Variants in DENND2A observed in about 807,000 individuals in gnomAD.
DENND2A encodes the protein DENN domain containing 2A, also known as DENN domain-containing protein 2A.
Under a neutral mutation model 105.3 loss-of-function variants are expected in DENND2A, and 53 were observed. The ratio of observed to expected loss-of-function variants is 0.50; its 90% confidence interval spans 0.40 to 0.63. The LOEUF is 0.63. DENND2A is among the 30% of genes least tolerant of loss of function. DENND2A has a pLI of 0.00. For missense variants in DENND2A, 1,138 were observed against 1,279.6 expected (o/e 0.89, Z 1.69); for synonymous variants, 522 against 508.4 (o/e 1.03, Z -0.36).
At chr7:140,544,518 G>T in intron 14 of DENND2A, 100 bp downstream of exon 14, 1 of 1,489,590 alleles carries the variant, frequency 6.7e-7, no homozygotes, top group Non-Finnish European at 9.3e-7. Context: ...TCTCAGAAGG[G>T]CTTACTCTTC....
chr7:140,594,485 A>G (rs1223869954), intron 3 of DENND2A, among the ~76,000 whole-genome samples: 1 of 151,928 alleles, frequency 6.6e-6, no homozygotes, highest in East Asian at 1.9e-4. Context: ...CTTCCTCTTG[A>G]TCCCATCTGT....
intron 5 of DENND2A, among the ~76,000 whole-genome samples, chr7:140,583,409 G>A (rs925450298): frequency 2.7e-5 from 4 of 150,088 alleles, no homozygotes; most frequent in Non-Finnish European, 4.4e-5. Flanking sequence ...GGATTGGGAT[G>A]GCTGGAGACG....
Position 140,583,740 on chromosome 7 carries a change from A to AC in DENND2A, c.1245+1848_1245+1849insG, listed in dbSNP as rs1298903320. ...GTCAGGAGATCGAGACCATCCTGTG[A>AC]ATGGTGAAACCCCGTCTCTACTAAA... On this transcript the variant is annotated intron_variant, in intron 5 of 19. Transcript: ENST00000496613. Among the ~76,000 whole-genome samples the AC allele has an allele frequency of 2.7e-3, 395 of 146,672 alleles. 4 individuals are homozygous for AC. The highest frequency in any genetic ancestry group is 3.0e-3 in the Non-Finnish European group (206 of 67,576).
intron 2 of DENND2A, among the ~76,000 whole-genome samples, chr7:140,603,447 CAA>C (rs1217109923): frequency 6.6e-6 from 1 of 152,312 alleles, no homozygotes; most frequent in Middle Eastern, 3.4e-3. Context: ...CTGAACTTGA[CAA>C]ATTGTCTGAT....
chr7:140,551,501 G>T (rs1003571749), intron 12 of DENND2A, among the ~76,000 whole-genome samples: 3 of 152,026 alleles, frequency 2.0e-5, no homozygotes, highest in Admixed American at 6.6e-5. Context: ...CTGTCTAGGA[G>T]CATGGGAGAC....
intron 3 of DENND2A, among the ~76,000 whole-genome samples, chr7:140,589,972 A>C (rs775795623): frequency 9.9e-5 from 15 of 152,214 alleles, no homozygotes; most frequent in Non-Finnish European, 2.2e-4. Context: ...TCGAAATGAT[A>C]AAGTACCTAT....
At chr7:140,595,063 G>A (rs1459145042) in intron 3 of DENND2A, among the ~76,000 whole-genome samples, 2 of 151,650 alleles carry the variant, frequency 1.3e-5, no homozygotes, top group African/African-American at 4.9e-5. Context: ...CTAGAATGCA[G>A]TGGCAGGATT....
chr7:140,519,780 A>G, intron 18 of DENND2A, 62 bp from the exon 19 acceptor site: 1 of 1,425,644 alleles, frequency 7.0e-7, no homozygotes. Flanking sequence ...AAATGTGTCC[A>G]TTTCCTCCCT....
chr7:140,554,054 C>A (rs1048988897), intron 12 of DENND2A, among the ~76,000 whole-genome samples: 1 of 151,572 alleles, frequency 6.6e-6, no homozygotes, highest in Non-Finnish European at 1.5e-5. Flanking sequence ...GGTGAAACCC[C>A]GTCTCTACTA....
At chr7:140,633,068 G>A (rs972411417) in intron 1 of DENND2A, among the ~76,000 whole-genome samples, 1 of 135,412 alleles carries the variant, frequency 7.4e-6, no homozygotes, top group African/African-American at 2.8e-5. Context: ...TTGCGCTGCC[G>A]CCCAGGCTGG....
intron 14 of DENND2A, among the ~76,000 whole-genome samples, chr7:140,532,200 C>T (rs1796296218): frequency 6.6e-6 from 1 of 152,122 alleles, no homozygotes; most frequent in Non-Finnish European, 1.5e-5. Flanking sequence ...ATCCGAGAGG[C>T]AGAAGTTGTT....
At chr7:140,626,810 A>T (rs1800549822) in intron 1 of DENND2A, among the ~76,000 whole-genome samples, 1 of 152,200 alleles carries the variant, frequency 6.6e-6, no homozygotes, top group African/African-American at 2.4e-5. Flanking sequence ...TGGGGCCAGC[A>T]CAAGAGAATG....
rs1371102840 is a variant in DENND2A at position 140,624,849 on chromosome 7, G to GTTTTTT, written c.-248+15649_-248+15654dup. Reference sequence around the variant, plus strand: ...CTGTTGAGAGATTTTGTTTTTCTTTGTTTTTTTTGTTTTTTTTTGTTTTTT... The same window carrying GTTTTTT: ...CTGTTGAGAGATTTTGTTTTTCTTTGTTTTTTTTTTTTTTGTTTTTTTTTGTTTTTT... On this transcript the variant is annotated intron_variant, in intron 1 of 19. Transcript: ENST00000496613. Among the ~76,000 whole-genome samples the GTTTTTT allele has an allele frequency of 1.5e-4, 20 of 131,258 alleles. 1 individual carries two copies. The highest frequency in any genetic ancestry group is 6.3e-4 in the African/African-American group (20 of 31,676). 86.1% of individuals were successfully genotyped at this position (131,258 alleles called of 152,430 possible). A position where few individuals can be genotyped will look rare whatever the true frequency, so the allele number is the denominator to read the frequency against.
chr7:140,604,557 G>A (rs1468399549), intron 2 of DENND2A, among the ~76,000 whole-genome samples: 1 of 152,248 alleles, frequency 6.6e-6, no homozygotes, highest in Non-Finnish European at 1.5e-5. Context: ...AGGCAGAAGT[G>A]ATGGTCCTTG....
Position 140,601,622 on chromosome 7 carries a change from G to A in DENND2A, c.776C>T (p.Thr259Ile). ...NVYRGSEGSP[T>I]KPFINPLPKP... Reference sequence around the variant, plus strand: ...TGGCAGAGGGTTGATGAAGGGCTTTGTGGGGGAACCCTCCGAGCCCCTATA... The same window carrying A: ...TGGCAGAGGGTTGATGAAGGGCTTTATGGGGGAACCCTCCGAGCCCCTATA... The change falls in exon 3 of 20, where the codon ACA becomes ATA. Residue 259 changes from threonine to isoleucine, a missense_variant. Thr to Ile is a moderately conservative substitution (Grantham distance 89, BLOSUM62 -1). This residue lies in a region of DENND2A where 511 missense variants were observed against 499.9 expected (regional missense o/e 1.02). Coordinates refer to ENST00000496613, the MANE Select transcript of DENND2A (RefSeq NM_015689.5). 1.2e-6 allele frequency: 2 copies of A among 1,613,562 alleles called. No individual in the cohort carries two copies. Among genetic ancestry groups the A allele is most frequent in the Non-Finnish European group, 1.7e-6 (2 of 1,179,668 alleles).
chr7:140,591,757 C>T (rs1431119057), intron 3 of DENND2A, among the ~76,000 whole-genome samples: 2 of 144,100 alleles, frequency 1.4e-5, no homozygotes, highest in Non-Finnish European at 3.0e-5. Context: ...TTTCTCTTTC[C>T]CTCCCTCCTT....
At position 140,559,795 on chromosome 7, in the gene DENND2A, A is replaced by G; in HGVS notation, c.1802T>C (p.Met601Thr). ...CTTCAGTTGGTCCTCAGCTTCTCTC[A>G]TGAACTTGAAAGACCTTTCCAACTG... ...PLKLERSFKF[M>T]REAEDQLKAI... Residue 601 changes from methionine to threonine, a missense_variant, in exon 10 of 20, where the codon ATG becomes ACG. By Grantham distance (81) the Met-to-Thr change is moderately conservative. Coordinates refer to ENST00000496613, the MANE Select transcript of DENND2A (RefSeq NM_015689.5). The surrounding 1 kb of genome is among the most constrained non-coding windows in gnomAD (Gnocchi z 4.1). The G allele has an allele frequency of 2.5e-6, 4 of 1,614,072 alleles. No homozygotes were observed. Among genetic ancestry groups the G allele is most frequent in the East Asian group, 4.5e-5 (2 of 44,886 alleles).
chr7:140,551,299 C>CAA lies in DENND2A; in HGVS notation c.2037+4335_2037+4336dup, dbSNP rs529992901. On this transcript the variant is annotated intron_variant, in intron 12 of 19. Transcript: ENST00000496613. The stretch of plus-strand genomic sequence containing the variant: ...TGGGCGACAGAGCAAGACTCCATCT[C>CAA]AAAAAAAAAAAAAAAAAAAAAAAGA... 2.5e-3 allele frequency among the ~76,000 whole-genome samples: 177 copies of CAA among 71,336 alleles called. 1 individual carries two copies. The highest frequency in any genetic ancestry group is 4.8e-3 in the African/African-American group (93 of 19,248). 46.8% of individuals were successfully genotyped at this position (71,336 alleles called of 152,430 possible). A position where few individuals can be genotyped will look rare whatever the true frequency, so the allele number is the denominator to read the frequency against.
intron 1 of DENND2A, among the ~76,000 whole-genome samples, chr7:140,608,591 G>A (rs1376178440): frequency 6.6e-6 from 1 of 151,664 alleles, no homozygotes; most frequent in African/African-American, 2.4e-5. Context: ...TGTGAGGATT[G>A]CTTGAGCCCA....
Sources: allele counts gnomAD v4.1 joint callset (sites outside exome capture counted in the v4.1 genomes callset), GRCh38; gene constraint gnomAD v4.1.1; regional missense constraint gnomAD v4.1.1; non-coding constraint Gnocchi (gnomAD v3.1); transcripts MANE v1.5; gene names NCBI Gene and HGNC (gene_info 2026-07-23, HGNC 2026-07-21).